Variants in NAT16 observed in about 807,000 individuals in gnomAD.
The protein encoded by NAT16 is probable N-acetyltransferase 16.
A neutral mutation model predicts 15.9 loss-of-function variants in NAT16; 16 were observed. The ratio of observed to expected loss-of-function variants is 1.01; its 90% CI spans 0.68 to 1.53. NAT16 has a LOEUF of 1.53. Ranked by LOEUF, NAT16 falls within the 40% of genes most tolerant of loss-of-function variation. The pLI, the probability that NAT16 is intolerant of heterozygous loss-of-function variation, is 0.00. For missense variants in NAT16, 572 were observed against 508.4 expected (o/e 1.13, Z -1.20); for synonymous variants, 260 against 241.9 (o/e 1.07, Z -0.69).
In NAT16 at chr7:101,171,959, G is replaced by A; in HGVS notation, c.*120C>T. The A allele has an allele frequency of 1.5e-6, 1 of 687,096 alleles. No individual in the cohort carries two copies. Among genetic ancestry groups the A allele is most frequent in the Non-Finnish European group, 2.5e-6 (1 of 397,190 alleles). 42.6% of individuals were successfully genotyped at this position (687,096 alleles called of 1,614,324 possible). A position where few individuals can be genotyped will look rare whatever the true frequency, so the allele number is the denominator to read the frequency against. On this transcript the variant is annotated 3_prime_UTR_variant, in exon 4 of 4. Transcript: ENST00000300303. ...GGACCTGCGCCGGTAAGGGCAGGAG[G>A]GCAGGAGTCAGAGGGGACTTCCCAG...
At chr7:101,173,564 C>A (rs745613036) in intron 2 of NAT16, 44 bp from the exon 3 acceptor site, 2 of 1,482,800 alleles carry the variant, frequency 1.3e-6, no homozygotes, top group Admixed American at 4.2e-5. Flanking sequence ...CCGCCTGCGC[C>A]CCTGCCAGGG....
At position 101,172,545 on chromosome 7, in the gene NAT16, G is replaced by C; in HGVS notation, c.644C>G (p.Ala215Gly). Residue 215 changes from alanine to glycine, a missense_variant, in exon 4 of 4, where the codon GCC becomes GGC. Ala to Gly is a moderately conservative substitution (Grantham distance 60). Coordinates refer to ENST00000300303, the MANE Select transcript of NAT16 (RefSeq NM_198571.3). The surrounding 1 kb of genome is among the most constrained non-coding windows in gnomAD (Gnocchi z 4.2). ...SGTFSPLPTEAVSEAGGDVAR... is the reference protein window; with the variant it reads ...SGTFSPLPTEGVSEAGGDVAR... ...CACGTCGCCGCCTGCCTCGGACACG[G>C]CCTCGGTGGGCAGCGGCGAGAAGGT... 1 of 1,561,296 alleles carries C rather than the reference G, an allele frequency of 6.4e-7. No homozygotes were observed.
In NAT16 at chr7:101,172,479, A is replaced by C. The variant is rs759287497; in HGVS notation, c.710T>G (p.Leu237Arg). 9.4e-6 allele frequency: 15 copies of C among 1,599,446 alleles called. No homozygotes were observed. In the East Asian group the frequency reaches 3.2e-4, roughly 34 times the overall value. Reference sequence around the variant, plus strand: ...GTCCTGGATGATGGTCCCGCCTGGAAGCACGTCGCGCTGCACGGAGGGTGA... The same window carrying C: ...GTCCTGGATGATGGTCCCGCCTGGACGCACGTCGCGCTGCACGGAGGGTGA... Reference protein sequence around the residue: ...LLSPSVQRDVLPGGTIIQDWQ... With the variant: ...LLSPSVQRDVRPGGTIIQDWQ... The change falls in exon 4 of 4, where the codon CTT becomes CGT. Residue 237 changes from leucine to arginine, a missense_variant. Physicochemically the swap from Leu to Arg is moderately radical, Grantham distance 102 (BLOSUM62 -2). Transcript: ENST00000300303. The surrounding 1 kb of genome is among the most constrained non-coding windows in gnomAD (Gnocchi z 4.2).
intron 1 of NAT16, among the ~76,000 whole-genome samples, chr7:101,176,315 T>G (rs1797465529): frequency 6.6e-6 from 1 of 152,070 alleles, no homozygotes; most frequent in South Asian, 2.1e-4. Context: ...GCCAGCGTGA[T>G]GAAACCCCAT....
At chr7:101,174,207 T>TC in intron 2 of NAT16, 1 of 503,018 alleles carries the variant, frequency 2.0e-6, no homozygotes, top group Non-Finnish European at 3.5e-6. Context: ...TCTCTCCTGC[T>TC]CCCCACCTCC....
rs1797354150 is a variant in NAT16 at position 101,172,610 on chromosome 7, G to C, written c.579C>G (p.Ala193=). The C allele has an allele frequency of 6.6e-7, 1 of 1,526,614 alleles. No homozygotes were observed. The highest frequency in any genetic ancestry group is 8.7e-7 in the Non-Finnish European group (1 of 1,145,240). 94.6% of individuals were successfully genotyped at this position (1,526,614 alleles called of 1,614,324 possible). A position where few individuals can be genotyped will look rare whatever the true frequency, so the allele number is the denominator to read the frequency against. Residue 193 remains alanine, a synonymous_variant, in exon 4 of 4, where the codon GCC becomes GCG. Transcript: ENST00000300303. The surrounding 1 kb of genome is among the most constrained non-coding windows in gnomAD (Gnocchi z 4.2). ...GCGCCGCCAGCCGCGCGCCCAGCCC[G>C]GCCAGCAGCGCGGACGCGTTGAATC... is the stretch of plus-strand genomic sequence containing the variant. ...LVRFNASALL[A]GLGARLAALR... is the part of the protein sequence containing the mutation.
chr7:101,171,925 A>C lies in NAT16; in HGVS notation c.*154T>G. ...GCAAGATAGTAAGGGCAAAAGGGACAGAGTGGGGGGACCTGCGCCGGTAAG... is the reference window on the plus strand; with the variant it reads ...GCAAGATAGTAAGGGCAAAAGGGACCGAGTGGGGGGACCTGCGCCGGTAAG... On this transcript the variant is annotated 3_prime_UTR_variant, in exon 4 of 4. Transcript: ENST00000300303. 1.6e-6 allele frequency: 1 copy of C among 608,762 alleles called. No homozygotes were observed. The allele number at this position is 608,762 out of a possible 1,614,324, so 37.7% of individuals were successfully genotyped here.
Position 101,171,934 on chromosome 7 carries a change from G to C in NAT16, c.*145C>G, listed in dbSNP as rs745581531. The C allele has an allele frequency of 4.8e-6, 3 of 618,944 alleles. No individual in the cohort carries two copies. The highest frequency in any genetic ancestry group is 8.7e-6 in the Non-Finnish European group (3 of 346,060). The allele number at this position is 618,944 out of a possible 1,614,324, so 38.3% of individuals were successfully genotyped here. A position where few individuals can be genotyped will look rare whatever the true frequency, so the allele number is the denominator to read the frequency against. On this transcript the variant is annotated 3_prime_UTR_variant, in exon 4 of 4. Transcript: ENST00000300303. The stretch of plus-strand genomic sequence containing the variant: ...TAAGGGCAAAAGGGACAGAGTGGGG[G>C]GACCTGCGCCGGTAAGGGCAGGAGG...
chr7:101,180,138 C>G lies in NAT16; in HGVS notation c.-101G>C, dbSNP rs1797558565. ...CACCCCCGGTGCCAAGAGAGAGGTC[C>G]CTTTGGAGCCCCCAAGAGTCAAAGG... On this transcript the variant is annotated 5_prime_UTR_variant, in exon 1 of 4. Coordinates refer to ENST00000300303, the MANE Select transcript of NAT16 (RefSeq NM_198571.3). 6.6e-6 allele frequency: 1 copy of G among 152,662 alleles called. No individual in the cohort carries two copies. Among genetic ancestry groups the G allele is most frequent in the African/African-American group, 2.4e-5 (1 of 41,458 alleles). 9.5% of individuals were successfully genotyped at this position (152,662 alleles called of 1,614,324 possible).
rs1277611639 is a variant in NAT16, at chr7:101,173,359, C to T, written c.474G>A (p.Arg158=). ...GGCCCAGCTGGTCGTCCCGGGTGAGCCGTGCCACCTTGACCCCCGGGTGCT... is the reference window on the plus strand; with the variant it reads ...GGCCCAGCTGGTCGTCCCGGGTGAGTCGTGCCACCTTGACCCCCGGGTGCT... The part of the protein sequence containing the change: ...KRQHPGVKVA[R]LTRDDQLGPR... The change falls in exon 3 of 4, where the codon CGG becomes CGA. Residue 158 remains arginine (R), a synonymous_variant. Coordinates refer to ENST00000300303, the MANE Select transcript of NAT16 (RefSeq NM_198571.3). 1.2e-6 allele frequency: 2 copies of T among 1,614,034 alleles called. No homozygotes were observed. Among genetic ancestry groups the T allele is most frequent in the Non-Finnish European group, 1.7e-6 (2 of 1,179,990 alleles).
intron 3 of NAT16, 71 bp downstream of exon 3, chr7:101,173,225 G>A: frequency 7.4e-7 from 1 of 1,348,152 alleles, no homozygotes; most frequent in Non-Finnish European, 1.1e-6. Flanking sequence ...GTGTTCTGCT[G>A]GGGGTGGGGA....
At position 101,174,513 on chromosome 7, in the gene NAT16, T is replaced by C. The variant is rs762482160; in HGVS notation, c.295A>G (p.Lys99Glu). ...RDPDRTVVLA[K>E]RNGGVIALES... ...GGGCTCACCACGCCTCCGTTGCGCT[T>C]GGCCAGCACCACCGTGCGGTCGGGG... Residue 99 changes from lysine (K) to glutamate (E), a missense_variant, in exon 2 of 4, where the codon AAG becomes GAG. By Grantham distance (56) the Lys-to-Glu change is moderately conservative. Transcript: ENST00000300303. The C allele has an allele frequency of 6.2e-7, 1 of 1,612,962 alleles. No individual in the cohort carries two copies. The highest frequency in any genetic ancestry group is 8.5e-7 in the Non-Finnish European group (1 of 1,179,590).
rs537399638 is a variant in NAT16, at chr7:101,174,396, G to A, written c.312+100C>T. On this transcript the variant is annotated intron_variant, in intron 2 of 3. Transcript: ENST00000300303. The stretch of plus-strand genomic sequence containing the variant: ...GCAGGCTCTATTTCCGCAGCCTCCA[G>A]AGGAAGGCTGGGGAGAAGCTCTCAT... 4.8e-5 allele frequency: 67 copies of A among 1,401,962 alleles called. 1 individual carries two copies. In the South Asian group the frequency reaches 6.6e-4, roughly 14 times the overall value. The allele number at this position is 1,401,962 out of a possible 1,614,324, so 86.8% of individuals were successfully genotyped here. A position where few individuals can be genotyped will look rare whatever the true frequency, so the allele number is the denominator to read the frequency against.
Position 101,172,707 on chromosome 7 carries a change from C to G in NAT16, c.538-56G>C. ...GGGGGCGCAGCAGGGCTGGCGAGCCCGGCGCCTCTCGGCAGGCATCTTCAC... is the reference window on the plus strand; with the variant it reads ...GGGGGCGCAGCAGGGCTGGCGAGCCGGGCGCCTCTCGGCAGGCATCTTCAC... On this transcript the variant is annotated intron_variant, in intron 3 of 3. Coordinates refer to ENST00000300303, the MANE Select transcript of NAT16 (RefSeq NM_198571.3). The surrounding 1 kb of genome is among the most constrained non-coding windows in gnomAD (Gnocchi z 4.2). The G allele has an allele frequency of 7.5e-7, 1 of 1,331,018 alleles. No individual in the cohort carries two copies. Among genetic ancestry groups the G allele is most frequent in the Middle Eastern group, 2.7e-4 (1 of 3,718 alleles). 82.5% of individuals were successfully genotyped at this position (1,331,018 alleles called of 1,614,324 possible).
rs766987227 is a variant in NAT16 at position 101,173,455 on chromosome 7, C to T, written c.378G>A (p.Val126=). ...GETVLVEGLR[V]APWERGKGVA... is the part of the protein sequence containing the mutation. The stretch of plus-strand genomic sequence containing the variant: ...CGCCCTTCCCGCGCTCCCAGGGCGC[C>T]ACGCGCAGCCCCTCCACCAGCACCG... Residue 126 remains valine, a synonymous_variant, in exon 3 of 4, where the codon GTG becomes GTA. Coordinates refer to ENST00000300303, the MANE Select transcript of NAT16 (RefSeq NM_198571.3). 6 of 1,611,888 alleles carry T rather than the reference C, an allele frequency of 3.7e-6. No individual in the cohort carries two copies. Among genetic ancestry groups the T allele is most frequent in the Non-Finnish European group, 4.2e-6 (5 of 1,179,036 alleles).
chr7:101,175,338 G>A (rs1797441951), intron 1 of NAT16, among the ~76,000 whole-genome samples: 1 of 150,660 alleles, frequency 6.6e-6, no homozygotes, highest in Non-Finnish European at 1.5e-5. Flanking sequence ...GAACTCCTGG[G>A]TTCGAGATCC....
At chr7:101,176,119 G>A (rs889034979) in intron 1 of NAT16, among the ~76,000 whole-genome samples, 1 of 152,142 alleles carries the variant, frequency 6.6e-6, no homozygotes, top group African/African-American at 2.4e-5. Context: ...AAGGGGGAGG[G>A]TGTAGACCCC....
At position 101,174,485 on chromosome 7, in the gene NAT16, C is replaced by T. The variant is rs562662766; in HGVS notation, c.312+11G>A. On this transcript the variant is annotated intron_variant, in intron 2 of 3. Coordinates refer to ENST00000300303, the MANE Select transcript of NAT16 (RefSeq NM_198571.3). ...CACCCCATGTCACCTGGGCCGTGCC[C>T]CCGGGCTCACCACGCCTCCGTTGCG... 3.7e-6 allele frequency: 6 copies of T among 1,604,766 alleles called. No homozygotes were observed. The highest frequency in any genetic ancestry group is 1.1e-5 in the South Asian group (1 of 90,088).
Position 101,172,173 on chromosome 7 carries a change from A to G in NAT16, c.1016T>C (p.Leu339Pro). 6.2e-7 allele frequency: 1 copy of G among 1,614,050 alleles called. No homozygotes were observed. Residue 339 changes from leucine (L) to proline (P), a missense_variant, in exon 4 of 4, where the codon CTG becomes CCG. Leu to Pro is a moderately conservative substitution (Grantham distance 98, BLOSUM62 -3). Coordinates refer to ENST00000300303, the MANE Select transcript of NAT16 (RefSeq NM_198571.3). The surrounding 1 kb of genome is among the most constrained non-coding windows in gnomAD (Gnocchi z 4.2). Reference protein sequence around the residue: ...VMCQLFLEPQLWSQLADFCQV... With the variant: ...VMCQLFLEPQPWSQLADFCQV... ...GCAGAAGTCAGCCAGCTGTGACCAC[A>G]GCTGGGGCTCCAGGAAGAGCTGGCA...
Sources: allele counts gnomAD v4.1 joint callset (sites outside exome capture counted in the v4.1 genomes callset), GRCh38; gene constraint gnomAD v4.1.1; non-coding constraint Gnocchi (gnomAD v3.1); transcripts MANE v1.5; gene names NCBI Gene and HGNC (gene_info 2026-07-23, HGNC 2026-07-21).